Variants in AURKA observed in about 807,000 individuals in gnomAD.
AURKA encodes the protein aurora kinase A.
Under a neutral mutation model 40.9 loss-of-function variants are expected in AURKA, and 12 were observed. The ratio of observed to expected loss-of-function variants is 0.29; its 90% confidence interval spans 0.19 to 0.48. The LOEUF (loss-of-function observed/expected upper bound fraction) is 0.48, where lower values mean the gene tolerates loss of function less well. Ranked by LOEUF, AURKA falls within the 20% of genes least tolerant of loss-of-function variation. The pLI, the probability that AURKA is intolerant of heterozygous loss-of-function variation, is 0.99. For synonymous variants in AURKA, 170 were observed against 164.3 expected (o/e 1.03, Z -0.26); for missense variants, 322 against 462.1 (o/e 0.70, Z 2.78).
chr20:56,370,171 C>G lies in AURKA; in HGVS notation c.1199G>C (p.Ser400Thr), dbSNP rs771512723. ...CCTGCACGATTCCTAAGACTGTTTGCTAGCTGATTCTTTGTTTTGGCAATT... is the reference window on the plus strand; with the variant it reads ...CCTGCACGATTCCTAAGACTGTTTGGTAGCTGATTCTTTGTTTTGGCAATT... ...PSNCQNKESASKQS is the reference protein window; with the variant it reads ...PSNCQNKESATKQS The change falls in exon 9 of 9, where the codon AGC (serine) becomes ACC (threonine). Residue 400 changes from serine (S) to threonine (T), a missense_variant. Ser to Thr is a moderately conservative substitution (Grantham distance 58). Coordinates refer to ENST00000395915, the MANE Select transcript of AURKA (RefSeq NM_198437.3). 3.1e-6 allele frequency: 5 copies of G among 1,612,696 alleles called. No individual in the cohort carries two copies. The South Asian group carries it at 4.4e-5, about 14-fold the overall frequency.
intron 7 of AURKA, 88 bp from the exon 8 acceptor site, chr20:56,370,747 T>G: frequency 6.9e-7 from 1 of 1,440,446 alleles, no homozygotes; most frequent in Non-Finnish European, 9.6e-7. Context: ...CCACTAACAC[T>G]GAGGTCTTCC....
intron 1 of AURKA, among the ~76,000 whole-genome samples, chr20:56,389,170 T>C (rs1318292271): frequency 1.3e-5 from 2 of 152,194 alleles, no homozygotes; most frequent in Non-Finnish European, 2.9e-5. Context: ...AGTCTCATTT[T>C]TGCCAGATCA....
At position 56,386,267 on chromosome 20, in the gene AURKA, T is replaced by C. The variant is rs1378157196; in HGVS notation, c.309A>G (p.Pro103=). Residue 103 remains proline, a synonymous_variant, in exon 3 of 9, where the codon CCA becomes CCG. Transcript: ENST00000395915. ...NNTQKSKQPL[P]SAPENNPEEE... is the part of the protein sequence containing the mutation. ...CAAAAGCTAGTTTACCAGGTGCCGA[T>C]GGCAGGGGCTGCTTGCTCTTTTGGG... 3 of 1,614,146 alleles carry C rather than the reference T, an allele frequency of 1.9e-6. No homozygotes were observed. Among genetic ancestry groups the C allele is most frequent in the Admixed American group, 3.3e-5 (2 of 60,012 alleles).
At chr20:56,391,297 G>A (rs575491673) in intron 1 of AURKA, among the ~76,000 whole-genome samples, 1 of 152,374 alleles carries the variant, frequency 6.6e-6, no homozygotes, top group East Asian at 1.9e-4. Context: ...TTACGGAAGA[G>A]GAAGAGACAT....
chr20:56,388,768 C>G (rs1986696552), intron 1 of AURKA: 1 of 158,050 alleles, frequency 6.3e-6, no homozygotes, highest in Non-Finnish European at 1.4e-5. Flanking sequence ...GCTGAGATCA[C>G]ACCATTGCAC....
At chr20:56,382,961 T>G in intron 5 of AURKA, 24 bp downstream of exon 5, 1 of 1,612,426 alleles carries the variant, frequency 6.2e-7, no homozygotes, top group South Asian at 1.1e-5. Flanking sequence ...GAACATTCTT[T>G]TGAACATGAA....
chr20:56,384,543 C>G (rs1192092211), intron 3 of AURKA, among the ~76,000 whole-genome samples: 1 of 151,820 alleles, frequency 6.6e-6, no homozygotes, highest in African/African-American at 2.4e-5. Context: ...TAAAGATGAG[C>G]AGACGTATAT....
intron 6 of AURKA, among the ~76,000 whole-genome samples, chr20:56,375,722 T>C (rs1471525074): frequency 6.6e-6 from 1 of 152,170 alleles, no homozygotes; most frequent in Non-Finnish European, 1.5e-5. Context: ...ACCACCAACT[T>C]TGAGTTGCTG....
intron 6 of AURKA, among the ~76,000 whole-genome samples, chr20:56,378,620 A>T (rs1163643612): frequency 6.6e-6 from 1 of 152,206 alleles, no homozygotes; most frequent in Non-Finnish European, 1.5e-5. Context: ...CAAAAACCAG[A>T]AGCAGCCAAG....
intron 7 of AURKA, among the ~76,000 whole-genome samples, chr20:56,372,081 C>A (rs1320058259): frequency 6.6e-6 from 1 of 152,154 alleles, no homozygotes; most frequent in Non-Finnish European, 1.5e-5. Context: ...CTGGGAACAG[C>A]AGACAGCAAG....
At chr20:56,379,197 A>G (rs1001036935) in intron 6 of AURKA, among the ~76,000 whole-genome samples, 1 of 152,244 alleles carries the variant, frequency 6.6e-6, no homozygotes. Context: ...AAGGAAGTGC[A>G]CATAAGCACT....
chr20:56,381,258 CTT>C (rs1054229740), intron 6 of AURKA, among the ~76,000 whole-genome samples, 173 bp downstream of exon 6: 1 of 152,204 alleles, frequency 6.6e-6, no homozygotes, highest in Admixed American at 6.5e-5. Context: ...TGGTTCTAGA[CTT>C]TATCTGTACA....
At chr20:56,371,854 T>C (rs1264685137) in intron 7 of AURKA, among the ~76,000 whole-genome samples, 1 of 152,200 alleles carries the variant, frequency 6.6e-6, no homozygotes, top group Non-Finnish European at 1.5e-5. Flanking sequence ...TAGGAGAATA[T>C]CCTTATTTAG....
chr20:56,370,215 T>C lies in AURKA; in HGVS notation c.1155A>G (p.Ala385=). 1 of 1,613,946 alleles carries C rather than the reference T, an allele frequency of 6.2e-7. No individual in the cohort carries two copies. Among genetic ancestry groups the C allele is most frequent in the Middle Eastern group, 1.7e-4 (1 of 5,852 alleles). ...REVLEHPWIT[A]NSSKPSNCQN... is the part of the protein sequence containing the mutation. ...GGCAATTTGATGGTTTTGATGAATTTGCTGTGATCCAGGGGTGTTCAAGTA... is the reference window on the plus strand; with the variant it reads ...GGCAATTTGATGGTTTTGATGAATTCGCTGTGATCCAGGGGTGTTCAAGTA... Residue 385 remains alanine (A), a synonymous_variant, in exon 9 of 9, where the codon GCA becomes GCG. Coordinates refer to ENST00000395915, the MANE Select transcript of AURKA (RefSeq NM_198437.3).
Position 56,369,665 on chromosome 20 carries a change from T to C in AURKA, c.*493A>G, listed in dbSNP as rs1983835328. The C allele has an allele frequency of 3.2e-6, 1 of 309,580 alleles. No homozygotes were observed. Among genetic ancestry groups the C allele is most frequent in the Non-Finnish European group, 6.1e-6 (1 of 163,888 alleles). The allele number at this position is 309,580 out of a possible 1,614,324, so 19.2% of individuals were successfully genotyped here. On this transcript the variant is annotated 3_prime_UTR_variant, in exon 9 of 9. Coordinates refer to ENST00000395915, the MANE Select transcript of AURKA (RefSeq NM_198437.3). ...AATGCCACCAGAGAAAAAATACAAG[T>C]CTGTACATATATCTTTATTTTCATA... is the stretch of plus-strand genomic sequence containing the variant.
At chr20:56,377,308 G>C (rs1985057111) in intron 6 of AURKA, among the ~76,000 whole-genome samples, 1 of 151,900 alleles carries the variant, frequency 6.6e-6, no homozygotes, top group African/African-American at 2.4e-5. Flanking sequence ...CCTTGTGAAA[G>C]ACACAGATAA....
chr20:56,370,062 G>T lies in AURKA; in HGVS notation c.*96C>A. 1 of 1,449,806 alleles carries T rather than the reference G, an allele frequency of 6.9e-7. No homozygotes were observed. Among genetic ancestry groups the T allele is most frequent in the Non-Finnish European group, 9.7e-7 (1 of 1,034,292 alleles). The allele number at this position is 1,449,806 out of a possible 1,614,324, so 89.8% of individuals were successfully genotyped here. A position where few individuals can be genotyped will look rare whatever the true frequency, so the allele number is the denominator to read the frequency against. On this transcript the variant is annotated 3_prime_UTR_variant, in exon 9 of 9. Transcript: ENST00000395915. ...TATTTCTTGTGTAGCGTTCTAGATTGAGGGCAGCAGTCAATGGTAAAATAA... is the reference window on the plus strand; with the variant it reads ...TATTTCTTGTGTAGCGTTCTAGATTTAGGGCAGCAGTCAATGGTAAAATAA...
At chr20:56,389,808 C>T (rs919157630) in intron 1 of AURKA, among the ~76,000 whole-genome samples, 30 of 152,196 alleles carry the variant, frequency 2.0e-4, no homozygotes, top group African/African-American at 5.8e-4. Context: ...TAACCCTTTA[C>T]GAGGTTCTCT....
intron 4 of AURKA, among the ~76,000 whole-genome samples, 166 bp from the exon 5 acceptor site, chr20:56,383,342 A>G (rs947541646): frequency 1.3e-5 from 2 of 152,218 alleles, no homozygotes; most frequent in Admixed American, 6.5e-5. Context: ...AGCTGCCACG[A>G]CATGAAACCC....
Sources: gnomAD v4.1 joint callset for allele counts (sites outside exome capture counted in the v4.1 genomes callset) on GRCh38, gnomAD v4.1.1 for gene constraint, MANE v1.5 for transcripts, NCBI Gene and HGNC (gene_info 2026-07-23, HGNC 2026-07-21) for gene names.